Variants in ABR observed in about 807,000 individuals in gnomAD.
ABR encodes ABR activator of RhoGEF and GTPase, also known as active breakpoint cluster region-related protein.
In ABR, 35 loss-of-function variants were observed where a neutral mutation model predicts 107.2. The observed-to-expected ratio is 0.33, with a 90% CI of 0.25 to 0.43. The LOEUF (loss-of-function observed/expected upper bound fraction) is 0.43, where lower values mean the gene tolerates loss of function less well. ABR is among the 20% of genes least tolerant of loss of function. ABR has a pLI of 1.00. For synonymous variants in ABR, 498 were observed against 462.0 expected, an observed-to-expected ratio of 1.08 and a Z score of -1.00; for missense variants, 815 against 1,115.2, an observed-to-expected ratio of 0.73 and a Z score of 3.83.
In ABR at chr17:1,056,981, C is replaced by G. The variant is rs2304959; in HGVS notation, c.1486+17G>C. ...CTGGGACCTGCCGGTTGGGCCACCT[C>G]TGGTTCCCGAGCTTACCGTCTTTAT... On this transcript the variant is annotated intron_variant, in intron 13 of 22. Coordinates refer to ENST00000302538, the MANE Select transcript of ABR (RefSeq NM_021962.5). The G allele has an allele frequency of 0.66, 1,050,540 of 1,583,590 alleles. 350,391 individuals are homozygous for G. The highest frequency in any genetic ancestry group is 0.84 in the East Asian group (37,121 of 44,212).
intron 14 of ABR, 70 bp downstream of exon 14, chr17:1,055,965 C>T: frequency 6.9e-7 from 1 of 1,446,808 alleles, no homozygotes; most frequent in Non-Finnish European, 9.7e-7. Context: ...GCTGGCAGGG[C>T]CCCATCCTGG....
chr17:1,191,651 G>C (rs1567879191), upstream of ABR, among the ~76,000 whole-genome samples: 1 of 152,044 alleles, frequency 6.6e-6, no homozygotes, highest in African/African-American at 2.4e-5. Context: ...CACCTGGCCT[G>C]TTCTGACATA....
Position 1,131,176 on chromosome 17 carries a change from C to A in ABR, c.62-5809G>T, listed in dbSNP as rs372148889. 5.2e-4 allele frequency among the ~76,000 whole-genome samples: 66 copies of A among 125,744 alleles called. 1 individual carries two copies. The East Asian group carries it at 0.016, about 31-fold the overall frequency. The allele number at this position is 125,744 out of a possible 152,430, so 82.5% of individuals were successfully genotyped here. On this transcript the variant is annotated intron_variant, in intron 1 of 22. Coordinates refer to ENST00000302538, the MANE Select transcript of ABR (RefSeq NM_021962.5). The stretch of plus-strand genomic sequence containing the variant: ...TGCAGTGCCTGCCACGCGCACAGCT[C>A]CCCCCTTTGCACACCAAATGCAGTG...
intron 1 of ABR, among the ~76,000 whole-genome samples, chr17:1,145,447 T>C (rs991278260): frequency 6.6e-6 from 1 of 152,230 alleles, no homozygotes; most frequent in Non-Finnish European, 1.5e-5. Context: ...CTTCCTCCTG[T>C]CTTTCCCTGT....
chr17:1,219,312 G>T (rs921853380), intron 1 of ABR, among the ~76,000 whole-genome samples: 1 of 140,724 alleles, frequency 7.1e-6, no homozygotes, highest in Non-Finnish European at 1.6e-5. Flanking sequence ...CCAAAGTGCT[G>T]GGATTACAGG....
At chr17:1,054,014 G>T (rs1000211620) in intron 14 of ABR, among the ~76,000 whole-genome samples, 1 of 152,206 alleles carries the variant, frequency 6.6e-6, no homozygotes, top group Admixed American at 6.5e-5. Flanking sequence ...ACATCGAGAA[G>T]TGCCCAAAAG....
intron 14 of ABR, among the ~76,000 whole-genome samples, chr17:1,052,391 T>C (rs2032679264): frequency 8.6e-6 from 1 of 116,032 alleles, no homozygotes; most frequent in Non-Finnish European, 1.8e-5. Flanking sequence ...GGGGGAGGGC[T>C]CACAGGGTCA....
intron 14 of ABR, among the ~76,000 whole-genome samples, chr17:1,053,798 G>C (rs539737932): frequency 6.6e-6 from 1 of 152,130 alleles, no homozygotes; most frequent in Non-Finnish European, 1.5e-5. Flanking sequence ...CCCGGCCAAC[G>C]GGAAGCAGGA....
intron 1 of ABR, among the ~76,000 whole-genome samples, chr17:1,134,309 A>G (rs2039966881): frequency 6.6e-6 from 1 of 152,192 alleles, no homozygotes. Context: ...GCTACGCAGG[A>G]GGCTGAGGCA....
rs573948142 is a variant in ABR at position 1,075,400 on chromosome 17, C to T, written c.701-1723G>A. The stretch of plus-strand genomic sequence containing the variant: ...CCAGCGTGAACACGCACGCCCTAGC[C>T]GGGCCCCAAACCTGATAGTTCTCCA... On this transcript the variant is annotated intron_variant, in intron 6 of 22. Transcript: ENST00000302538. 6.6e-5 allele frequency among the ~76,000 whole-genome samples: 10 copies of T among 152,356 alleles called. No homozygotes were observed. The East Asian group carries it at 7.7e-4, about 12-fold the overall frequency.
chr17:1,037,090 T>C lies in ABR; in HGVS notation c.1791+12960A>G, dbSNP rs375633919. Among the ~76,000 whole-genome samples the C allele has an allele frequency of 3.1e-5, 4 of 130,318 alleles. No individual in the cohort carries two copies. Among genetic ancestry groups the C allele is most frequent in the African/African-American group, 5.9e-5 (2 of 33,630 alleles). The allele number at this position is 130,318 out of a possible 152,430, so 85.5% of individuals were successfully genotyped here. On this transcript the variant is annotated intron_variant, in intron 16 of 22. Coordinates refer to ENST00000302538, the MANE Select transcript of ABR (RefSeq NM_021962.5). This position sits in a 1 kb window ranked among gnomAD's most constrained non-coding sequence, Gnocchi z 4.6. Reference sequence around the variant, plus strand: ...ATCCACCCACCCACCCATCCTTCCATCCATCCATCCATCCATCCACCCACC... The same window carrying C: ...ATCCACCCACCCACCCATCCTTCCACCCATCCATCCATCCATCCACCCACC...
At chr17:1,185,911 C>T (rs983467199) in intron 1 of ABR, among the ~76,000 whole-genome samples, 7 of 151,942 alleles carry the variant, frequency 4.6e-5, no homozygotes, top group Admixed American at 3.3e-4. Context: ...TCTCGGCTCA[C>T]TGCAACCTCT....
intron 1 of ABR, among the ~76,000 whole-genome samples, chr17:1,211,324 T>G (rs2042897676): frequency 6.6e-6 from 1 of 151,774 alleles, no homozygotes; most frequent in Non-Finnish European, 1.5e-5. Flanking sequence ...TAATGAAAAA[T>G]AAATAAAAAT....
At chr17:1,040,539 T>A (rs2030225026) in intron 16 of ABR, among the ~76,000 whole-genome samples, 1 of 152,156 alleles carries the variant, frequency 6.6e-6, no homozygotes, top group Non-Finnish European at 1.5e-5. Context: ...TCTGACCCCA[T>A]CAGCTTAAGA....
rs555170112 is a variant in ABR at position 1,137,797 on chromosome 17, C to T, written c.62-12430G>A. Among the ~76,000 whole-genome samples the T allele has an allele frequency of 5.9e-5, 9 of 152,038 alleles. No individual in the cohort carries two copies. The East Asian group carries it at 1.7e-3, about 29-fold the overall frequency. On this transcript the variant is annotated intron_variant, in intron 1 of 22. Coordinates refer to ENST00000302538, the MANE Select transcript of ABR (RefSeq NM_021962.5). The stretch of plus-strand genomic sequence containing the variant: ...CACATGAGTGCCGTAAAGCAAGGTA[C>T]GCCCGCATCACAGGAGTGCCGTAAA...
In ABR at chr17:1,070,108, C is replaced by A. The variant is rs1439191675; in HGVS notation, c.895-18G>T. On this transcript the variant is annotated intron_variant, in intron 8 of 22. Transcript: ENST00000302538. This position sits in a 1 kb window ranked among gnomAD's most constrained non-coding sequence, Gnocchi z 4.2. ...TGTCGCGTCTGAGGGAGATGGCAGA[C>A]CCCCCAGCCTGCTCAGAGGGGAATG... The A allele has an allele frequency of 1.9e-6, 3 of 1,612,086 alleles. No individual in the cohort carries two copies. The highest frequency in any genetic ancestry group is 1.3e-5 in the African/African-American group (1 of 74,782).
At position 1,005,091 on chromosome 17, in the gene ABR, G is replaced by A. The variant is rs557009495; in HGVS notation, c.*989C>T. 1.0e-5 allele frequency: 4 copies of A among 398,850 alleles called. No homozygotes were observed. Among genetic ancestry groups the A allele is most frequent in the South Asian group, 1.3e-4 (1 of 7,858 alleles). 24.7% of individuals were successfully genotyped at this position (398,850 alleles called of 1,614,324 possible). A position where few individuals can be genotyped will look rare whatever the true frequency, so the allele number is the denominator to read the frequency against. ...CTCCCCGCGACCCGGGACACCCAGCGTGGCATGTGCATTCCTCCCCCGTTC... is the reference window on the plus strand; with the variant it reads ...CTCCCCGCGACCCGGGACACCCAGCATGGCATGTGCATTCCTCCCCCGTTC... On this transcript the variant is annotated 3_prime_UTR_variant, in exon 23 of 23. Transcript: ENST00000302538.
intron 1 of ABR, among the ~76,000 whole-genome samples, chr17:1,194,169 G>T (rs907481396): frequency 2.7e-5 from 4 of 150,732 alleles, no homozygotes; most frequent in East Asian, 2.0e-4. Context: ...TGTTTCCTTT[G>T]TTTTTTTTTA....
intron 1 of ABR, among the ~76,000 whole-genome samples, chr17:1,177,574 C>G (rs986877324): frequency 1.3e-5 from 2 of 152,036 alleles, no homozygotes; most frequent in Non-Finnish European, 2.9e-5. Context: ...TTGCTCCAGG[C>G]GTGGGAGGAA....
Sources: gnomAD v4.1 joint callset for allele counts (sites outside exome capture counted in the v4.1 genomes callset) on GRCh38, gnomAD v4.1.1 for gene constraint, Gnocchi (gnomAD v3.1) non-coding constraint, MANE v1.5 for transcripts, NCBI Gene and HGNC (gene_info 2026-07-23, HGNC 2026-07-21) for gene names.